CBFA2T3: variants seen among roughly 807,000 people sequenced by gnomAD.
CBFA2T3 encodes transcriptional corepressor CBFA2T3.
CBFA2T3 carries 31 observed loss-of-function variants against 58.6 expected under a neutral mutation model. That is an observed-to-expected ratio of 0.53 (90% CI 0.40 to 0.71). CBFA2T3 has a LOEUF of 0.71. Among genes scored for constraint, CBFA2T3 ranks in the 30% least tolerant of loss-of-function variants. The pLI is 0.00. For synonymous variants in CBFA2T3, 531 were observed against 421.9 expected, an observed-to-expected ratio of 1.26 and a Z score of -3.17; for missense variants, 1,076 against 963.1, an observed-to-expected ratio of 1.12 and a Z score of -1.55.
Position 88,932,211 on chromosome 16 carries a change from G to A in CBFA2T3, c.152-30555C>T, listed in dbSNP as rs1200903788. Among the ~76,000 whole-genome samples, 345 of 37,568 alleles carry A rather than the reference G, an allele frequency of 9.2e-3. 9 individuals carry two copies. Among genetic ancestry groups the A allele is most frequent in the African/African-American group, 0.035 (306 of 8,806 alleles). The allele number at this position is 37,568 out of a possible 152,430, so 24.6% of individuals were successfully genotyped here. On this transcript the variant is annotated intron_variant, in intron 1 of 11. Coordinates refer to ENST00000268679, the MANE Select transcript of CBFA2T3 (RefSeq NM_005187.6). ...CACGGCCCCCGCTTCCCCCTCACAC[G>A]GCCCCCGCTTCCCCCTCACATGGCC... is the stretch of plus-strand genomic sequence containing the variant.
chr16:88,880,943 C>T, intron 9 of CBFA2T3, 155 bp from the exon 10 acceptor site: 1 of 730,182 alleles, frequency 1.4e-6, no homozygotes, highest in African/African-American at 1.7e-5. Context: ...CTGGCTCAGG[C>T]ACCCAGGGCA....
chr16:88,893,031 T>C (rs895865291), intron 3 of CBFA2T3, among the ~76,000 whole-genome samples: 27 of 152,172 alleles, frequency 1.8e-4, no homozygotes, highest in African/African-American at 6.3e-4. Context: ...GTCGGGGGCT[T>C]GATGGCTCAC....
chr16:88,924,264 G>T (rs1971014365), intron 1 of CBFA2T3, among the ~76,000 whole-genome samples: 1 of 152,224 alleles, frequency 6.6e-6, no homozygotes, highest in African/African-American at 2.4e-5. Flanking sequence ...TATTCCCTGG[G>T]AGCTGCAACG....
In CBFA2T3 at chr16:88,953,838, C is replaced by T. The variant is rs1198188798; in HGVS notation, c.151+22819G>A. Among the ~76,000 whole-genome samples the T allele has an allele frequency of 6.6e-6, 1 of 152,138 alleles. No homozygotes were observed. The highest frequency in any genetic ancestry group is 1.5e-5 in the Non-Finnish European group (1 of 68,000). ...GGTTTCCCTTAAGGGGGATGGCTCC[C>T]CTTAAGATGACTTTGGGGCTGCCAT... On this transcript the variant is annotated intron_variant, in intron 1 of 11. Transcript: ENST00000268679. This position sits in a 1 kb window ranked among gnomAD's most constrained non-coding sequence, Gnocchi z 4.9.
At position 88,879,377 on chromosome 16, in the gene CBFA2T3, G is replaced by C. The variant is rs1393644162; in HGVS notation, c.1555C>G (p.Leu519Val). 1 of 1,613,058 alleles carries C rather than the reference G, an allele frequency of 6.2e-7. No individual in the cohort carries two copies. The highest frequency in any genetic ancestry group is 8.5e-7 in the Non-Finnish European group (1 of 1,179,876). Residue 519 changes from leucine to valine, a missense_variant, in exon 11 of 12, where the codon CTC becomes GTC. Coordinates refer to ENST00000268679, the MANE Select transcript of CBFA2T3 (RefSeq NM_005187.6). ...ATCTTGGCACGCTCCGTGGTGATGA[G>C]CTCGTGCGCTTTGCGCTCCGCGTCC... Reference protein sequence around the residue: ...VSDAERKAHELITTERAKMER... With the variant: ...VSDAERKAHEVITTERAKMER...
intron 1 of CBFA2T3, among the ~76,000 whole-genome samples, chr16:88,940,823 G>A (rs1468149683): frequency 6.6e-6 from 1 of 152,174 alleles, no homozygotes; most frequent in Non-Finnish European, 1.5e-5. Context: ...GCCCCCGCAG[G>A]TCAGGCTCTG....
chr16:88,915,534 C>T (rs1473797228), intron 1 of CBFA2T3, among the ~76,000 whole-genome samples: 1 of 4,842 alleles, frequency 2.1e-4, no homozygotes, highest in African/African-American at 1.2e-3. Flanking sequence ...GGAGGGGGAG[C>T]GTGGAGGGGG....
intron 1 of CBFA2T3, among the ~76,000 whole-genome samples, chr16:88,946,077 G>A (rs13331735): frequency 0.28 from 42,577 of 152,058 alleles, 6,937 homozygotes; most frequent in Middle Eastern, 0.49. Context: ...GGAGGCCGAA[G>A]GGGGCGGATC....
intron 1 of CBFA2T3, among the ~76,000 whole-genome samples, chr16:88,956,275 C>T (rs1008521756): frequency 1.6e-4 from 25 of 152,274 alleles, no homozygotes; most frequent in African/African-American, 6.0e-4. Flanking sequence ...CGAAGACCTG[C>T]ATCACGGGAG....
chr16:88,958,649 C>A lies in CBFA2T3; in HGVS notation c.151+18008G>T, dbSNP rs972096857. 6.6e-6 allele frequency among the ~76,000 whole-genome samples: 1 copy of A among 152,120 alleles called. No homozygotes were observed. Among genetic ancestry groups the A allele is most frequent in the African/African-American group, 2.4e-5 (1 of 41,430 alleles). On this transcript the variant is annotated intron_variant, in intron 1 of 11. Transcript: ENST00000268679. This position sits in a 1 kb window ranked among gnomAD's most constrained non-coding sequence, Gnocchi z 4.0. ...GCACAGTCGCCGCCCAGCAGCCCAG[C>A]ACTACCTTTGGAGGGAGACAAACTC...
chr16:88,974,847 TCCCCTGGGGGCCTTGGGAGG>T (rs1435103917), intron 1 of CBFA2T3, among the ~76,000 whole-genome samples: 4 of 152,132 alleles, frequency 2.6e-5, no homozygotes, highest in Middle Eastern at 3.4e-3. Context: ...CCCACATCTG[TCCCCTGGGGGCCTTGGGAGG>T]CCCCTGGGGT....
chr16:88,887,541 C>T (rs1291232253), intron 5 of CBFA2T3, among the ~76,000 whole-genome samples: 1 of 152,152 alleles, frequency 6.6e-6, no homozygotes, highest in African/African-American at 2.4e-5. Context: ...GCGTGTGGGG[C>T]AGGCTCAGGA....
At chr16:88,971,604 A>G (rs557159490) in intron 1 of CBFA2T3, among the ~76,000 whole-genome samples, 16 of 152,182 alleles carry the variant, frequency 1.1e-4, no homozygotes, top group African/African-American at 3.4e-4. Context: ...TGTGCTGAGA[A>G]CTTCATTGGC....
intron 1 of CBFA2T3, among the ~76,000 whole-genome samples, chr16:88,913,870 G>A (rs1192671799): frequency 1.3e-5 from 2 of 152,124 alleles, no homozygotes; most frequent in East Asian, 1.9e-4. Context: ...TTGGAAAGCT[G>A]TTTGTTGGTA....
chr16:88,912,314 G>A (rs1222497818), intron 1 of CBFA2T3, among the ~76,000 whole-genome samples: 3 of 152,244 alleles, frequency 2.0e-5, no homozygotes, highest in African/African-American at 7.2e-5. Context: ...GCGGAAGATG[G>A]GACAAAGTGT....
intron 3 of CBFA2T3, 81 bp downstream of exon 3, chr16:88,897,997 C>CT: frequency 9.7e-7 from 1 of 1,034,286 alleles, no homozygotes. Flanking sequence ...TGAGCGCCCC[C>CT]AGGGCAGCAG....
intron 1 of CBFA2T3, among the ~76,000 whole-genome samples, chr16:88,903,852 C>G (rs965581573): frequency 6.6e-6 from 1 of 151,854 alleles, no homozygotes; most frequent in African/African-American, 2.4e-5. Flanking sequence ...GGGATGCCCC[C>G]TGTTTGGACT....
At chr16:88,932,899 G>A (rs1208586901) in intron 1 of CBFA2T3, among the ~76,000 whole-genome samples, 1 of 149,678 alleles carries the variant, frequency 6.7e-6, no homozygotes, top group African/African-American at 2.4e-5. Flanking sequence ...AACCCGGGAA[G>A]CAGAGGTTGC....
At chr16:88,945,374 G>C (rs1315255111) in intron 1 of CBFA2T3, among the ~76,000 whole-genome samples, 1 of 152,184 alleles carries the variant, frequency 6.6e-6, no homozygotes, top group Non-Finnish European at 1.5e-5. Flanking sequence ...AGAATGAAAA[G>C]ACAGGCCATA....
Sources: allele counts gnomAD v4.1 joint callset (sites outside exome capture counted in the v4.1 genomes callset), GRCh38; gene constraint gnomAD v4.1.1; non-coding constraint Gnocchi (gnomAD v3.1); transcripts MANE v1.5; gene names NCBI Gene and HGNC (gene_info 2026-07-23, HGNC 2026-07-21).